PARG: variants seen among roughly 807,000 people sequenced by gnomAD.
PARG encodes the protein mitochondrial poly(ADP-ribose) glycohydrolase.
Under a neutral mutation model 113.0 loss-of-function variants are expected in PARG, and 35 were observed. That is an observed-to-expected ratio of 0.31 (90% CI 0.24 to 0.41). The LOEUF (loss-of-function observed/expected upper bound fraction) is 0.41. PARG is among the 10% of genes least tolerant of loss of function. PARG has a pLI of 1.00. For missense variants in PARG, 797 were observed against 1,169.4 expected (o/e 0.68, Z 4.64); for synonymous variants, 330 against 409.9 (o/e 0.81, Z 2.36).
At chr10:49,883,812 A>G (rs1175610002) in intron 8 of PARG, among the ~76,000 whole-genome samples, 2 of 143,378 alleles carry the variant, frequency 1.4e-5, no homozygotes, top group East Asian at 3.9e-4. Flanking sequence ...AAAAAGAAAA[A>G]AAAAAAAAAA....
At chr10:49,856,853 T>C (rs1486038228) in intron 13 of PARG, among the ~76,000 whole-genome samples, 1 of 151,314 alleles carries the variant, frequency 6.6e-6, no homozygotes, top group Non-Finnish European at 1.5e-5. Context: ...CTACTAAAAA[T>C]ACAAAATTAG....
chr10:49,941,474 A>G (rs1242004473), intron 1 of PARG, 35 bp downstream of exon 1: 12 of 1,457,454 alleles, frequency 8.2e-6, no homozygotes, highest in Non-Finnish European at 1.1e-5. Flanking sequence ...GTTCGGGCCG[A>G]GGCGAAGGAC....
chr10:49,906,513 T>C (rs1848600080), intron 7 of PARG, among the ~76,000 whole-genome samples: 1 of 152,208 alleles, frequency 6.6e-6, no homozygotes, highest in Non-Finnish European at 1.5e-5. Context: ...CTAGGTGCTA[T>C]GTCAAAGACC....
At chr10:49,910,673 T>C (rs1554845989) in intron 7 of PARG, among the ~76,000 whole-genome samples, 1 of 152,158 alleles carries the variant, frequency 6.6e-6, no homozygotes, top group African/African-American at 2.4e-5. Context: ...CTAAAATCCT[T>C]AGGCTTCCTT....
intron 6 of PARG, among the ~76,000 whole-genome samples, chr10:49,921,421 C>T (rs576450524): frequency 3.0e-3 from 447 of 151,514 alleles, no homozygotes; most frequent in East Asian, 0.013. Context: ...GTCTGCTTTT[C>T]TTTTCTTTTT....
intron 15 of PARG, among the ~76,000 whole-genome samples, chr10:49,841,706 A>C (rs1845246887): frequency 6.6e-6 from 1 of 152,222 alleles, no homozygotes; most frequent in Admixed American, 6.5e-5. Context: ...GTACTTGATG[A>C]GATAAATGCA....
At chr10:49,838,284 A>T (rs34714687) in intron 15 of PARG, among the ~76,000 whole-genome samples, 29,022 of 151,736 alleles carry the variant, frequency 0.19, 3,315 homozygotes, top group Non-Finnish European at 0.27. Context: ...ATACAAAAAT[A>T]GCCGGGAGTA....
chr10:49,914,524 A>G (rs1837360086), intron 7 of PARG, among the ~76,000 whole-genome samples: 1 of 152,284 alleles, frequency 6.6e-6, no homozygotes, highest in South Asian at 2.1e-4. Context: ...ATGCAGAATT[A>G]GTTTGGATTC....
At chr10:49,927,810 G>A (rs1838282896) in intron 4 of PARG, among the ~76,000 whole-genome samples, 1 of 152,086 alleles carries the variant, frequency 6.6e-6, no homozygotes, top group African/African-American at 2.4e-5. Context: ...TAGAAAATTA[G>A]CCACATGTAG....
intron 1 of PARG, among the ~76,000 whole-genome samples, chr10:49,940,154 A>C (rs1838956098): frequency 6.6e-6 from 1 of 151,818 alleles, no homozygotes; most frequent in African/African-American, 2.4e-5. Flanking sequence ...CTTCTCAAGT[A>C]TCCCATTCTT....
At chr10:49,834,935 T>C (rs185735315) in intron 15 of PARG, among the ~76,000 whole-genome samples, 6 of 152,292 alleles carry the variant, frequency 3.9e-5, no homozygotes, top group Admixed American at 2.6e-4. Context: ...TACAAAATTA[T>C]TTTATTCTGT....
intron 16 of PARG, among the ~76,000 whole-genome samples, chr10:49,823,242 G>GCATA (rs1844193688): frequency 6.6e-6 from 1 of 151,954 alleles, no homozygotes; most frequent in African/African-American, 2.4e-5. Flanking sequence ...ACATATATAT[G>GCATA]CATACATAAA....
intron 7 of PARG, among the ~76,000 whole-genome samples, chr10:49,908,025 A>G (rs1237768313): frequency 6.6e-6 from 1 of 152,194 alleles, no homozygotes; most frequent in Non-Finnish European, 1.5e-5. Context: ...ATGAATTTTC[A>G]CTTTTCAGTA....
chr10:49,911,814 G>A (rs544089481), intron 7 of PARG, among the ~76,000 whole-genome samples: 1 of 152,138 alleles, frequency 6.6e-6, no homozygotes, highest in African/African-American at 2.4e-5. Flanking sequence ...AACTCCTCTC[G>A]TTGTAAGGTA....
intron 16 of PARG, among the ~76,000 whole-genome samples, chr10:49,830,964 T>C (rs913974994): frequency 6.6e-6 from 1 of 152,196 alleles, no homozygotes; most frequent in African/African-American, 2.4e-5. Context: ...AAATAAATTA[T>C]GGTACATATG....
intron 16 of PARG, among the ~76,000 whole-genome samples, chr10:49,828,110 A>AAAAAAC (rs1564594769): frequency 3.4e-5 from 5 of 148,050 alleles, no homozygotes; most frequent in Admixed American, 6.7e-5. Context: ...AAAAAAAAAA[A>AAAAAAC]AAAAAAAAAA....
chr10:49,836,495 C>T (rs1024408113), intron 15 of PARG, among the ~76,000 whole-genome samples: 2 of 151,480 alleles, frequency 1.3e-5, no homozygotes, highest in African/African-American at 2.4e-5. Context: ...TTCTAAAATG[C>T]AATATATAAA....
At chr10:49,914,385 C>G (rs1274502474) in intron 7 of PARG, among the ~76,000 whole-genome samples, 1 of 152,200 alleles carries the variant, frequency 6.6e-6, no homozygotes, top group Non-Finnish European at 1.5e-5. Context: ...CATTTAGATT[C>G]AAGGATATCT....
At chr10:49,880,818 C>T (rs545272833) in intron 8 of PARG, among the ~76,000 whole-genome samples, 1 of 152,162 alleles carries the variant, frequency 6.6e-6, no homozygotes, top group Non-Finnish European at 1.5e-5. Context: ...AATAATAAGA[C>T]TCAATTCCAG....
Sources: gnomAD v4.1 joint callset for allele counts (sites outside exome capture counted in the v4.1 genomes callset) on GRCh38, gnomAD v4.1.1 for gene constraint, MANE v1.5 for transcripts, NCBI Gene and HGNC (gene_info 2026-07-23, HGNC 2026-07-21) for gene names.